Variants in PLAC1 observed in about 807,000 individuals in gnomAD.
PLAC1 encodes the protein placenta-specific protein 1.
For synonymous variants in PLAC1, 68 were observed against 62.1 expected, an observed-to-expected ratio of 1.09 and a Z score of -0.44; for missense variants, 136 against 163.2, an observed-to-expected ratio of 0.83 and a Z score of 0.91.
At chrX:134,696,029 C>CT (rs992305163) in intron 2 of PLAC1, among the ~76,000 whole-genome samples, 7 of 110,595 alleles carry the variant, frequency 6.3e-5, no homozygotes, top group Admixed American at 2.9e-4. Context: ...TAAACAATGA[C>CT]TTTTTTTGGT....
At chrX:134,735,244 T>C (rs2078699786) in intron 1 of PLAC1, among the ~76,000 whole-genome samples, 1 of 111,462 alleles carries the variant, frequency 9.0e-6, no homozygotes, top group African/African-American at 3.3e-5. Context: ...ACAGCCTCTG[T>C]AACCAGTAGC....
upstream of PLAC1, among the ~76,000 whole-genome samples, chrX:134,659,321 A>T (rs2078407029): frequency 2.7e-5 from 3 of 112,079 alleles, no homozygotes; most frequent in African/African-American, 9.7e-5. Flanking sequence ...AAAAATTTAA[A>T]TATGTTGTAG....
In PLAC1 at chrX:134,742,134, A is replaced by G. The variant is rs1041777790; in HGVS notation, n.90-8615T>C. Reference sequence around the variant, plus strand: ...AGGCCACTGCTGTCTAAATCCAGGTATTGAATATGTAAGTTCAAAGAGACC... The same window carrying G: ...AGGCCACTGCTGTCTAAATCCAGGTGTTGAATATGTAAGTTCAAAGAGACC... On this transcript the variant is annotated intron_variant and non_coding_transcript_variant, in intron 1 of 2. Transcript: ENST00000466797. 8.0e-5 allele frequency among the ~76,000 whole-genome samples: 9 copies of G among 112,582 alleles called. 1 individual carries two copies. Among genetic ancestry groups the G allele is most frequent in the Admixed American group, 5.6e-4 (6 of 10,664 alleles).
chrX:134,614,801 AT>A (rs1167128256), intron 1 of PLAC1, among the ~76,000 whole-genome samples: 1 of 110,342 alleles, frequency 9.1e-6, no homozygotes, highest in Non-Finnish European at 1.9e-5. Flanking sequence ...TGCCCAGCTA[AT>A]TTTTTTTCTT....
intron 2 of PLAC1, among the ~76,000 whole-genome samples, chrX:134,573,386 C>T (rs1319942779): frequency 8.9e-6 from 1 of 111,749 alleles, no homozygotes; most frequent in Non-Finnish European, 1.9e-5. Flanking sequence ...AGTCCCTTCT[C>T]ATTTTAAAAG....
At chrX:134,739,717 T>C (rs369890300) in intron 1 of PLAC1, among the ~76,000 whole-genome samples, 5 of 113,137 alleles carry the variant, frequency 4.4e-5, no homozygotes, top group African/African-American at 1.6e-4. Flanking sequence ...GGAGAAATAC[T>C]GTTTTTTGGA....
intron 2 of PLAC1, among the ~76,000 whole-genome samples, chrX:134,731,582 T>C (rs947349836): frequency 8.9e-6 from 1 of 112,120 alleles, no homozygotes; most frequent in Non-Finnish European, 1.9e-5. Flanking sequence ...ACTTCATGAA[T>C]GCTATCTAGC....
chrX:134,686,371 A>G (rs1213728696), intron 2 of PLAC1, among the ~76,000 whole-genome samples: 2 of 111,864 alleles, frequency 1.8e-5, no homozygotes, highest in Non-Finnish European at 3.8e-5. Context: ...AAGAGGGCAG[A>G]ATTGCTGGTT....
chrX:134,573,015 C>T (rs1036197037), intron 2 of PLAC1, among the ~76,000 whole-genome samples: 5 of 111,133 alleles, frequency 4.5e-5, no homozygotes, highest in Non-Finnish European at 7.5e-5. Context: ...GAGAAATTTC[C>T]GCTGGGTCGC....
At chrX:134,599,204 T>C (rs1008942540) in intron 2 of PLAC1, among the ~76,000 whole-genome samples, 61 of 111,825 alleles carry the variant, frequency 5.5e-4, no homozygotes, top group African/African-American at 1.9e-3. Context: ...TGTGATTTCT[T>C]TGAAATATGA....
chrX:134,569,467 A>C (rs2077894182), intron 2 of PLAC1, among the ~76,000 whole-genome samples: 1 of 111,764 alleles, frequency 8.9e-6, no homozygotes, highest in African/African-American at 3.3e-5. Flanking sequence ...TGATAGGAGA[A>C]ATAAACGAAG....
intron 1 of PLAC1, among the ~76,000 whole-genome samples, chrX:134,615,321 A>C (rs1290525207): frequency 8.9e-6 from 1 of 111,872 alleles, no homozygotes; most frequent in Non-Finnish European, 1.9e-5. Flanking sequence ...CATCTCCTTA[A>C]TGATTAGTGA....
chrX:134,726,983 C>T (rs1446525809), intron 2 of PLAC1, among the ~76,000 whole-genome samples: 1 of 110,342 alleles, frequency 9.1e-6, no homozygotes, highest in Non-Finnish European at 1.9e-5. Context: ...TCTTTACCCC[C>T]ATCCAGTGCT....
intron 2 of PLAC1, among the ~76,000 whole-genome samples, chrX:134,706,841 G>A (rs1033286225): frequency 3.6e-5 from 4 of 111,560 alleles, no homozygotes; most frequent in Admixed American, 2.9e-4. Context: ...CAGTAAGCTC[G>A]AAGATACAAA....
chrX:134,611,945 C>G (rs1045375101), intron 1 of PLAC1, among the ~76,000 whole-genome samples: 1 of 111,155 alleles, frequency 9.0e-6, no homozygotes, highest in Admixed American at 9.7e-5. Flanking sequence ...GACTCAAAGT[C>G]AAACTCCACT....
At chrX:134,747,532 G>A (rs1002326906) in intron 1 of PLAC1, among the ~76,000 whole-genome samples, 12 of 111,478 alleles carry the variant, frequency 1.1e-4, no homozygotes, top group African/African-American at 3.9e-4. Context: ...GTGTGGGAGT[G>A]GGGAAATTGT....
At chrX:134,744,139 G>T (rs2078723610) in intron 1 of PLAC1, among the ~76,000 whole-genome samples, 2 of 110,743 alleles carry the variant, frequency 1.8e-5, no homozygotes, top group African/African-American at 3.3e-5. Context: ...ACAAAAATTA[G>T]CTGGGTGTGG....
At chrX:134,676,685 G>A (rs756864200) in intron 2 of PLAC1, among the ~76,000 whole-genome samples, 6 of 112,223 alleles carry the variant, frequency 5.3e-5, no homozygotes, top group Non-Finnish European at 1.1e-4. Context: ...ATGGAAAGAC[G>A]CAAAACCTAT....
chrX:134,725,730 C>T (rs775377686), intron 2 of PLAC1, among the ~76,000 whole-genome samples: 5 of 112,238 alleles, frequency 4.5e-5, no homozygotes, highest in African/African-American at 1.3e-4. Flanking sequence ...CAGTGGCTTA[C>T]GCCTGTAATC....
Sources: gnomAD v4.1 joint callset for allele counts (sites outside exome capture counted in the v4.1 genomes callset) on GRCh38, gnomAD v4.1.1 for gene constraint, MANE v1.5 for transcripts, NCBI Gene and HGNC (gene_info 2026-07-23, HGNC 2026-07-21) for gene names.